Variants in TTLL7 observed in about 807,000 individuals in gnomAD.
TTLL7 encodes the protein tubulin polyglutamylase TTLL7.
Under a neutral mutation model 120.2 loss-of-function variants are expected in TTLL7, and 53 were observed. The observed-to-expected ratio is 0.44, with a 90% CI of 0.35 to 0.55. TTLL7 has a LOEUF of 0.55. Ranked by LOEUF, TTLL7 falls within the 20% of genes least tolerant of loss-of-function variation. The pLI, the probability that TTLL7 is intolerant of heterozygous loss-of-function variation, is 0.00. For missense variants in TTLL7, 803 were observed against 1,054.7 expected, an observed-to-expected ratio of 0.76 and a Z score of 3.31; for synonymous variants, 353 against 351.7, an observed-to-expected ratio of 1.00 and a Z score of -0.04.
intron 18 of TTLL7, among the ~76,000 whole-genome samples, chr1:83,890,895 G>C (rs766392785): frequency 3.3e-5 from 5 of 151,960 alleles, no homozygotes; most frequent in African/African-American, 4.8e-5. Flanking sequence ...AATATGTAGA[G>C]ATTTCAAAAT....
chr1:83,875,920 CAT>C (rs1653888170), intron 20 of TTLL7, among the ~76,000 whole-genome samples: 1 of 151,748 alleles, frequency 6.6e-6, no homozygotes, highest in Admixed American at 6.6e-5. Flanking sequence ...TTCTGATGAA[CAT>C]ATGTTTTTAA....
intron 9 of TTLL7, among the ~76,000 whole-genome samples, chr1:83,930,006 G>T (rs745520193): frequency 1.2e-4 from 18 of 151,962 alleles, no homozygotes; most frequent in Admixed American, 2.6e-4. Flanking sequence ...TCCACAACTT[G>T]CACCTGAAGA....
Position 83,999,011 on chromosome 1 carries a change from C to G in TTLL7, c.-257G>C. The G allele has an allele frequency of 2.2e-6, 1 of 444,958 alleles. No homozygotes were observed. The highest frequency in any genetic ancestry group is 1.6e-5 in the South Asian group (1 of 62,606). 27.6% of individuals were successfully genotyped at this position (444,958 alleles called of 1,614,324 possible). A position where few individuals can be genotyped will look rare whatever the true frequency, so the allele number is the denominator to read the frequency against. ...AGGTGCTCCCGCGCCTCGCAGCTTC[C>G]CCGTGGGCGGCCGCCCCGACTCGGC... On this transcript the variant is annotated 5_prime_UTR_variant, in exon 1 of 21. Coordinates refer to ENST00000260505, the MANE Select transcript of TTLL7 (RefSeq NM_024686.6).
At chr1:83,887,444 T>A (rs1655059314) in intron 19 of TTLL7, among the ~76,000 whole-genome samples, 1 of 151,974 alleles carries the variant, frequency 6.6e-6, no homozygotes, top group African/African-American at 2.4e-5. Flanking sequence ...GGGTCCAAAC[T>A]GAGAATCAAA....
chr1:83,906,439 T>C lies in TTLL7; in HGVS notation c.2017A>G (p.Thr673Ala). The change falls in exon 17 of 21, where the codon ACA becomes GCA. Residue 673 changes from threonine to alanine, a missense_variant. Thr to Ala is a moderately conservative substitution (Grantham distance 58). This residue lies in a region of TTLL7 where 388 missense variants were observed against 450.4 expected (regional missense o/e 0.86). Coordinates refer to ENST00000260505, the MANE Select transcript of TTLL7 (RefSeq NM_024686.6). ...GTTAGATCATCTTCTTGTTCTTTTGTTTTCAGTTGCCGCAAAGACTCACTC... is the reference window on the plus strand; with the variant it reads ...GTTAGATCATCTTCTTGTTCTTTTGCTTTCAGTTGCCGCAAAGACTCACTC... ...QVSESLRQLK[T>A]KEQEDDLTSQ... 6.2e-7 allele frequency: 1 copy of C among 1,612,174 alleles called. No individual in the cohort carries two copies. Among genetic ancestry groups the C allele is most frequent in the Non-Finnish European group, 8.5e-7 (1 of 1,178,878 alleles).
At chr1:83,900,089 TG>T (rs1478251501) in intron 18 of TTLL7, 3 of 403,360 alleles carry the variant, frequency 7.4e-6, no homozygotes, top group African/African-American at 6.3e-5. Context: ...TAGTCACACA[TG>T]TCATTTAATC....
At position 83,906,313 on chromosome 1, in the gene TTLL7, T is replaced by C. The variant is rs770764201; in HGVS notation, c.2127+16A>G. ...GGTACCAGCTCCTTGGCATTTTAGA[T>C]ACATCACATACTCACATCTTCTATC... On this transcript the variant is annotated intron_variant, in intron 17 of 20. Transcript: ENST00000260505. The C allele has an allele frequency of 6.2e-7, 1 of 1,602,452 alleles. No homozygotes were observed. Among genetic ancestry groups the C allele is most frequent in the Admixed American group, 1.7e-5 (1 of 57,922 alleles).
chr1:83,933,236 TC>T (rs1478328064), intron 9 of TTLL7, among the ~76,000 whole-genome samples: 1 of 151,994 alleles, frequency 6.6e-6, no homozygotes, highest in East Asian at 1.9e-4. Flanking sequence ...GAAGGCAAGA[TC>T]CTGAAGCCCA....
chr1:83,949,840 T>G (rs1200116175), intron 4 of TTLL7, 25 bp downstream of exon 4: 1 of 1,612,194 alleles, frequency 6.2e-7, no homozygotes, highest in Non-Finnish European at 8.5e-7. Flanking sequence ...CTCATACCAC[T>G]AACTGGTCAT....
At chr1:83,982,041 T>C (rs985006382) in intron 1 of TTLL7, among the ~76,000 whole-genome samples, 13 of 152,178 alleles carry the variant, frequency 8.5e-5, no homozygotes, top group African/African-American at 3.1e-4. Context: ...TCACAGCTCA[T>C]AAAACATGTC....
chr1:83,983,432 C>T (rs1652161669), intron 1 of TTLL7, among the ~76,000 whole-genome samples: 1 of 152,108 alleles, frequency 6.6e-6, no homozygotes, highest in Non-Finnish European at 1.5e-5. Flanking sequence ...AGAAACTGGA[C>T]AAACTACCTC....
chr1:83,895,273 G>A (rs1259974324), intron 18 of TTLL7, among the ~76,000 whole-genome samples: 2 of 152,048 alleles, frequency 1.3e-5, no homozygotes, highest in Non-Finnish European at 2.9e-5. Flanking sequence ...CTATCATTTA[G>A]TAGGTTCCTG....
chr1:83,950,048 AAACATTTTTCTATCTAAACTTTAGTTC>A, intron 3 of TTLL7, 62 bp from the exon 4 acceptor site: 1 of 1,404,728 alleles, frequency 7.1e-7, no homozygotes, highest in Non-Finnish European at 9.8e-7. Flanking sequence ...TTCATTGCAG[AAACATTTTTCTATCTAAACTTTAGTTC>A]ATAGTATTTC....
intron 9 of TTLL7, among the ~76,000 whole-genome samples, chr1:83,930,718 T>C (rs969847131): frequency 9.9e-5 from 15 of 152,152 alleles, no homozygotes; most frequent in African/African-American, 3.1e-4. Flanking sequence ...CAGTGGTCCA[T>C]TGGCATGTTA....
chr1:83,872,588 C>T (rs976717233), intron 20 of TTLL7, among the ~76,000 whole-genome samples: 4 of 152,176 alleles, frequency 2.6e-5, no homozygotes, highest in Non-Finnish European at 5.9e-5. Context: ...TAAACAGTAA[C>T]GTCTACCAAC....
intron 18 of TTLL7, among the ~76,000 whole-genome samples, chr1:83,901,766 T>G (rs539701473): frequency 6.6e-6 from 1 of 152,080 alleles, no homozygotes; most frequent in African/African-American, 2.4e-5. Context: ...GAGTTCAGCT[T>G]ACTCAGATAA....
chr1:83,892,947 A>AAAGAAAGAAAGG (rs1342377963), intron 18 of TTLL7, among the ~76,000 whole-genome samples: 1 of 116,354 alleles, frequency 8.6e-6, no homozygotes, highest in Non-Finnish European at 1.6e-5. Context: ...AGAAAGAAAG[A>AAAGAAAGAAAGG]AAGAAAAGAA....
At chr1:83,907,404 G>A in intron 16 of TTLL7, 52 bp downstream of exon 16, 1 of 1,515,564 alleles carries the variant, frequency 6.6e-7, no homozygotes, top group Non-Finnish European at 9.1e-7. Flanking sequence ...GATCCCCTTT[G>A]CCTGAGTACA....
intron 17 of TTLL7, among the ~76,000 whole-genome samples, chr1:83,904,587 AT>A (rs1657026500): frequency 6.6e-6 from 1 of 152,124 alleles, no homozygotes; most frequent in African/African-American, 2.4e-5. Context: ...GTGAGCTGAG[AT>A]TATACCACTG....
Sources: allele counts gnomAD v4.1 joint callset (sites outside exome capture counted in the v4.1 genomes callset), GRCh38; gene constraint gnomAD v4.1.1; regional missense constraint gnomAD v4.1.1; transcripts MANE v1.5; gene names NCBI Gene and HGNC (gene_info 2026-07-23, HGNC 2026-07-21).